Variants in TLK2 observed in about 807,000 individuals in gnomAD.
TLK2 encodes tousled like kinase 2.
In TLK2, 6 loss-of-function variants were observed where a neutral mutation model predicts 117.3. The observed-to-expected ratio is 0.05, with a 90% CI of 0.03 to 0.10. The LOEUF (loss-of-function observed/expected upper bound fraction) is 0.10, where lower values mean the gene tolerates loss of function less well. TLK2 is among the 10% of genes least tolerant of loss of function. The pLI is 1.00. For missense variants in TLK2, 299 were observed against 901.2 expected (o/e 0.33, Z 8.56); for synonymous variants, 257 against 316.7 (o/e 0.81, Z 2.00).
At chr17:62,594,829 CA>C (rs2082345197) in intron 16 of TLK2, among the ~76,000 whole-genome samples, 5 of 140,890 alleles carry the variant, frequency 3.5e-5, no homozygotes, top group African/African-American at 1.3e-4. Context: ...CACACACACA[CA>C]CCCCATGTGG....
At chr17:62,550,633 A>G (rs997786473) in intron 7 of TLK2, 7 of 152,174 alleles carry the variant, frequency 4.6e-5, no homozygotes, top group African/African-American at 1.7e-4. Flanking sequence ...TGAGCCTTCA[A>G]TGAAATCGTG....
chr17:62,565,185 A>G, intron 11 of TLK2, 48 bp downstream of exon 11: 3 of 1,571,524 alleles, frequency 1.9e-6, no homozygotes, highest in East Asian at 4.5e-5. Flanking sequence ...GTTCGTTTGC[A>G]TTTTTTAGGT....
chr17:62,535,664 G>C (rs1292808491), intron 6 of TLK2, among the ~76,000 whole-genome samples: 2 of 151,990 alleles, frequency 1.3e-5, no homozygotes, highest in Middle Eastern at 3.2e-3. Context: ...AGCTACTTGG[G>C]AGGCTGAGAC....
At chr17:62,586,006 A>G (rs1329585225) in intron 15 of TLK2, 129 bp from the exon 16 acceptor site, 4 of 635,592 alleles carry the variant, frequency 6.3e-6, no homozygotes, top group South Asian at 2.5e-5. Flanking sequence ...CAACACTGAT[A>G]TAAGTATGTG....
chr17:62,581,808 CA>C (rs1415103442), intron 15 of TLK2, among the ~76,000 whole-genome samples: 3 of 152,090 alleles, frequency 2.0e-5, no homozygotes, highest in African/African-American at 7.2e-5. Context: ...CTTTTGTATG[CA>C]AGCAGCTTTG....
At chr17:62,546,404 C>T (rs1477059469) in intron 7 of TLK2, among the ~76,000 whole-genome samples, 2 of 107,988 alleles carry the variant, frequency 1.9e-5, no homozygotes, top group Non-Finnish European at 3.7e-5. Context: ...TTTTGTTTTA[C>T]TGTTTCTTTG....
chr17:62,540,227 C>T (rs1336658601), intron 7 of TLK2, among the ~76,000 whole-genome samples: 4 of 147,084 alleles, frequency 2.7e-5, no homozygotes, highest in South Asian at 2.2e-4. Context: ...TGTGGGCCAC[C>T]GTGCCTGACT....
In TLK2 at chr17:62,553,749, A is replaced by G. The variant is rs1451498219; in HGVS notation, c.714A>G (p.Leu238=). The change falls in exon 9 of 22, where the codon TTA becomes TTG. Residue 238 remains leucine, a synonymous_variant. Coordinates refer to ENST00000346027, the MANE Select transcript of TLK2 (RefSeq NM_006852.6). ...AGAAGGAGGGAAGAATAGATGATTT[A>G]TTAAGAGTAAGTATTAAAATGTAAG... ...LEKKEGRIDD[L]LRANCDLRRQ... 6.4e-7 allele frequency: 1 copy of G among 1,565,758 alleles called. No homozygotes were observed. The highest frequency in any genetic ancestry group is 8.8e-7 in the Non-Finnish European group (1 of 1,136,202).
rs570170559 is a variant in TLK2 at position 62,593,073 on chromosome 17, C to G, written c.1461-3512C>G. Reference sequence around the variant, plus strand: ...TTGCTCACTCACCCACTGCTCACCTCCTGCTGTGTGGCCCAGTTCCTAACA... The same window carrying G: ...TTGCTCACTCACCCACTGCTCACCTGCTGCTGTGTGGCCCAGTTCCTAACA... On this transcript the variant is annotated intron_variant, in intron 16 of 21. Transcript: ENST00000346027. 5.3e-5 allele frequency among the ~76,000 whole-genome samples: 8 copies of G among 151,802 alleles called. No homozygotes were observed. The South Asian group carries it at 1.7e-3, about 32-fold the overall frequency.
intron 19 of TLK2, among the ~76,000 whole-genome samples, chr17:62,604,412 A>G (rs59762855): frequency 0.044 from 6,640 of 152,086 alleles, 518 homozygotes; most frequent in African/African-American, 0.15. Context: ...ATACATATAT[A>G]TATATATATT....
In TLK2 at chr17:62,569,808, G is replaced by A. The variant is rs540468710; in HGVS notation, c.969-3407G>A. Among the ~76,000 whole-genome samples the A allele has an allele frequency of 5.3e-5, 8 of 152,226 alleles. No individual in the cohort carries two copies. The South Asian group carries it at 6.2e-4, about 12-fold the overall frequency. On this transcript the variant is annotated intron_variant, in intron 11 of 21. Transcript: ENST00000346027. ...TGTAGTTTTGCTGCTGAAGGTACCC[G>A]CATTTCAGTTCCTGGGATGCTGTAA...
At chr17:62,518,958 C>T (rs1399541864) in intron 2 of TLK2, among the ~76,000 whole-genome samples, 4 of 152,210 alleles carry the variant, frequency 2.6e-5, no homozygotes, top group Non-Finnish European at 5.9e-5. Context: ...GATCTTGGCT[C>T]ATTGCAACCT....
chr17:62,572,685 G>A (rs547125129), intron 11 of TLK2, among the ~76,000 whole-genome samples: 4 of 152,158 alleles, frequency 2.6e-5, no homozygotes, highest in African/African-American at 4.8e-5. Flanking sequence ...CGGGGTTGAC[G>A]TGTAGAGTAG....
At chr17:62,574,521 TTG>T in intron 12 of TLK2, 13 of 617,720 alleles carry the variant, frequency 2.1e-5, no homozygotes, top group East Asian at 6.0e-5. Flanking sequence ...TTTGTTGTTG[TTG>T]TTTTTTTTTT....
rs556576229 is a variant in TLK2, at chr17:62,531,573, T to C, written c.364-4597T>C. On this transcript the variant is annotated intron_variant, in intron 6 of 21. Coordinates refer to ENST00000346027, the MANE Select transcript of TLK2 (RefSeq NM_006852.6). Reference sequence around the variant, plus strand: ...GTTCATGGCTTTATTTCTTTTATGCTTTGTTTTTTAACTGTGTACTCCTCA... The same window carrying C: ...GTTCATGGCTTTATTTCTTTTATGCCTTGTTTTTTAACTGTGTACTCCTCA... Among the ~76,000 whole-genome samples, 13 of 152,342 alleles carry C rather than the reference T, an allele frequency of 8.5e-5. No homozygotes were observed. The South Asian group carries it at 2.7e-3, about 32-fold the overall frequency.
intron 6 of TLK2, among the ~76,000 whole-genome samples, chr17:62,533,061 A>G (rs576177995): frequency 2.2e-4 from 34 of 151,716 alleles, no homozygotes; most frequent in African/African-American, 8.0e-4. Context: ...GGCCTTTTGG[A>G]TTTCTCTTTT....
chr17:62,536,072 C>T, intron 6 of TLK2, 98 bp from the exon 7 acceptor site: 1 of 1,370,584 alleles, frequency 7.3e-7, no homozygotes, highest in Non-Finnish European at 9.8e-7. Context: ...ATAAACCATT[C>T]ATCTTATATT....
intron 2 of TLK2, among the ~76,000 whole-genome samples, chr17:62,510,873 C>T (rs1404372423): frequency 6.6e-6 from 1 of 152,134 alleles, no homozygotes; most frequent in Non-Finnish European, 1.5e-5. Flanking sequence ...CCTGATATAC[C>T]TGGCCCTAGC....
chr17:62,478,753 A>AC (rs1376552624), upstream of TLK2, among the ~76,000 whole-genome samples: 77 of 12,406 alleles, frequency 6.2e-3, 1 homozygote, highest in Non-Finnish European at 0.023. Context: ...CCCCCCCAGG[A>AC]CCCCCCCCGC....
Sources: allele counts gnomAD v4.1 joint callset (sites outside exome capture counted in the v4.1 genomes callset), GRCh38; gene constraint gnomAD v4.1.1; transcripts MANE v1.5; gene names NCBI Gene and HGNC (gene_info 2026-07-23, HGNC 2026-07-21).